The following SAMD12 variants were observed in gnomAD, a reference collection of about 807,000 sequenced individuals.
SAMD12 encodes the protein sterile alpha motif domain-containing protein 12.
In SAMD12, 9 loss-of-function variants were observed where a neutral mutation model predicts 15.0. The ratio of observed to expected loss-of-function variants is 0.60; its 90% CI spans 0.36 to 1.05. SAMD12 has a LOEUF of 1.05. Ranked by LOEUF, SAMD12 falls within the 50% of genes least tolerant of loss-of-function variation. The probability of loss-of-function intolerance (pLI) is 0.01; values close to 1 mark genes in which losing one functional copy is unlikely to be tolerated. For synonymous variants in SAMD12, 86 were observed against 90.1 expected, an observed-to-expected ratio of 0.96 and a Z score of 0.25; for missense variants, 230 against 234.2, an observed-to-expected ratio of 0.98 and a Z score of 0.12.
rs191517668 is a variant in SAMD12 at position 118,476,888 on chromosome 8, C to T, written c.193-36927G>A. Among the ~76,000 whole-genome samples the T allele has an allele frequency of 1.1e-3, 175 of 152,212 alleles. No homozygotes were observed. In the Middle Eastern group the frequency reaches 0.02, roughly 18 times the overall value. On this transcript the variant is annotated intron_variant, in intron 2 of 3. Transcript: ENST00000314727. ...TCTCTGCCAGCTCTTGAGCAATGCC[C>T]ACTGTCTCTTCCCAATTGTCAGCAA...
At chr8:118,429,826 G>A (rs1388215899) in intron 3 of SAMD12, among the ~76,000 whole-genome samples, 1 of 152,042 alleles carries the variant, frequency 6.6e-6, no homozygotes, top group Admixed American at 6.5e-5. Flanking sequence ...CCTGGGAGGC[G>A]GAGGTTGCAG....
chr8:118,507,991 CTTTTTTTT>C (rs11384671), intron 2 of SAMD12, among the ~76,000 whole-genome samples: 4 of 108,820 alleles, frequency 3.7e-5, no homozygotes, highest in African/African-American at 1.4e-4. Context: ...GTATAATCTC[CTTTTTTTT>C]TTTTTTTTTT....
Position 118,549,254 on chromosome 8 carries a change from G to A in SAMD12, c.192+31461C>T, listed in dbSNP as rs189843948. Among the ~76,000 whole-genome samples the A allele has an allele frequency of 5.7e-3, 864 of 152,310 alleles. 9 individuals carry two copies. Among genetic ancestry groups the A allele is most frequent in the African/African-American group, 0.02 (819 of 41,568 alleles). On this transcript the variant is annotated intron_variant, in intron 2 of 3. Coordinates refer to ENST00000314727, the MANE Select transcript of SAMD12 (RefSeq NM_207506.3). ...AGTGGGTCCCTGACCCCTGACCCCC[G>A]AGCAGCCTAACTGGGAGGCACCCCC...
At chr8:118,446,267 C>T (rs7846218) in intron 2 of SAMD12, among the ~76,000 whole-genome samples, 102,754 of 150,818 alleles carry the variant, frequency 0.68, 35,066 homozygotes, top group Middle Eastern at 0.75. Context: ...AATTTGCCCA[C>T]ACTGAATATT....
In SAMD12 at chr8:118,336,506, A is replaced by G. The variant is rs559731671; in HGVS notation, c.433+43054T>C. ...TTTTCAGTGCATGTGTCTTTATAGC[A>G]GCATGATTTATAATCCTTTGGGTAG... On this transcript the variant is annotated intron_variant, in intron 4 of 4. Coordinates refer to the SAMD12 transcript ENST00000409003. 3.3e-5 allele frequency among the ~76,000 whole-genome samples: 5 copies of G among 152,006 alleles called. No homozygotes were observed. In the East Asian group the frequency reaches 9.6e-4, roughly 29 times the overall value.
intron 2 of SAMD12, among the ~76,000 whole-genome samples, chr8:118,483,372 T>G (rs1824184315): frequency 1.3e-5 from 2 of 152,242 alleles, no homozygotes; most frequent in African/African-American, 2.4e-5. Context: ...AAGACTGACA[T>G]TATAAGAACC....
chr8:118,189,791 T>C (rs1819309327), exon 5 of SAMD12: 1 of 152,040 alleles, frequency 6.6e-6, no homozygotes, highest in Non-Finnish European at 1.5e-5. Flanking sequence ...ACAATAATTC[T>C]TATGTTTAGA....
chr8:118,247,311 C>T (rs1231554793), intron 4 of SAMD12, among the ~76,000 whole-genome samples: 3 of 152,016 alleles, frequency 2.0e-5, no homozygotes, highest in African/African-American at 7.2e-5. Flanking sequence ...TACAGAGTTT[C>T]AGTTATATAG....
intron 3 of SAMD12, among the ~76,000 whole-genome samples, chr8:118,402,254 T>C (rs1253486368): frequency 6.6e-6 from 1 of 152,178 alleles, no homozygotes; most frequent in African/African-American, 2.4e-5. Context: ...GACACTCAGA[T>C]TTAATATGCC....
At chr8:118,604,310 A>C (rs1299048851) in intron 1 of SAMD12, among the ~76,000 whole-genome samples, 1 of 152,250 alleles carries the variant, frequency 6.6e-6, no homozygotes, top group Non-Finnish European at 1.5e-5. Flanking sequence ...TGAAATTTAT[A>C]TATAACGTTT....
chr8:118,476,236 A>T (rs1823956801), intron 2 of SAMD12, among the ~76,000 whole-genome samples: 1 of 152,172 alleles, frequency 6.6e-6, no homozygotes, highest in Admixed American at 6.5e-5. Context: ...TGCACGTTGC[A>T]GGTGTGTCCT....
chr8:118,243,811 G>A (rs1157367507), intron 4 of SAMD12, among the ~76,000 whole-genome samples: 1 of 152,068 alleles, frequency 6.6e-6, no homozygotes, highest in Non-Finnish European at 1.5e-5. Flanking sequence ...GAAATGGAGA[G>A]GTGTAAAACT....
intron 3 of SAMD12, among the ~76,000 whole-genome samples, chr8:118,409,887 TTAA>T (rs1270872676): frequency 1.5e-5 from 2 of 131,304 alleles, no homozygotes; most frequent in African/African-American, 5.9e-5. Context: ...GTTCCACTCT[TTAA>T]GAAGATGGCC....
intron 2 of SAMD12, among the ~76,000 whole-genome samples, chr8:118,559,111 A>C (rs1826634340): frequency 6.6e-6 from 1 of 152,248 alleles, no homozygotes; most frequent in African/African-American, 2.4e-5. Flanking sequence ...TCCCAAGGCT[A>C]TCACTAGCAC....
chr8:118,259,208 C>G (rs1401243977), intron 4 of SAMD12, among the ~76,000 whole-genome samples: 1 of 152,130 alleles, frequency 6.6e-6, no homozygotes, highest in African/African-American at 2.4e-5. Context: ...AGCCAGTACT[C>G]TAGCTTAACA....
chr8:118,554,075 A>G (rs949201274), intron 2 of SAMD12, among the ~76,000 whole-genome samples: 1 of 151,798 alleles, frequency 6.6e-6, no homozygotes, highest in African/African-American at 2.4e-5. Context: ...ACACTTTTAC[A>G]CTGTTGGTGG....
intron 4 of SAMD12, among the ~76,000 whole-genome samples, chr8:118,244,818 A>G (rs1255092359): frequency 6.6e-6 from 1 of 152,098 alleles, no homozygotes; most frequent in Non-Finnish European, 1.5e-5. Flanking sequence ...GAGAAGGAGA[A>G]TTTATAGAGA....
chr8:118,469,083 TCA>T (rs1162053205), intron 2 of SAMD12, among the ~76,000 whole-genome samples: 1 of 152,100 alleles, frequency 6.6e-6, no homozygotes, highest in Non-Finnish European at 1.5e-5. Context: ...AGGTCAAGGT[TCA>T]GTCTTCCGCC....
intron 2 of SAMD12, among the ~76,000 whole-genome samples, chr8:118,460,165 CT>C (rs1823373446): frequency 6.6e-6 from 1 of 152,198 alleles, no homozygotes; most frequent in African/African-American, 2.4e-5. Flanking sequence ...TCCTACTATT[CT>C]TTTTCTTCTA....
Sources: allele counts gnomAD v4.1 joint callset (sites outside exome capture counted in the v4.1 genomes callset), GRCh38; gene constraint gnomAD v4.1.1; transcripts MANE v1.5; gene names NCBI Gene and HGNC (gene_info 2026-07-23, HGNC 2026-07-21).